Variants in CBR4 observed in about 807,000 individuals in gnomAD.
CBR4 encodes the protein carbonyl reductase 4.
A neutral mutation model predicts 21.0 loss-of-function variants in CBR4; 22 were observed. That is an observed-to-expected ratio of 1.05 (90% CI 0.75 to 1.50). The LOEUF is 1.50. CBR4 is among the 40% of genes most tolerant of loss of function. The pLI, the probability that CBR4 is intolerant of heterozygous loss-of-function variation, is 0.00. For missense variants in CBR4, 302 were observed against 286.3 expected, an observed-to-expected ratio of 1.05 and a Z score of -0.40; for synonymous variants, 100 against 104.4, an observed-to-expected ratio of 0.96 and a Z score of 0.26.
At chr4:169,000,011 GT>G (rs1730285022) in intron 4 of CBR4, among the ~76,000 whole-genome samples, 1 of 152,204 alleles carries the variant, frequency 6.6e-6, no homozygotes, top group Admixed American at 6.5e-5. Flanking sequence ...TGCTGCATGA[GT>G]TATTGTTAGC....
chr4:168,904,893 G>A (rs1176274650), intron 2 of CBR4, among the ~76,000 whole-genome samples: 1 of 152,066 alleles, frequency 6.6e-6, no homozygotes, highest in Admixed American at 6.5e-5. Context: ...TTGGGAGGCT[G>A]AGGCAGGTGG....
At chr4:168,974,579 A>C (rs1764312315) in intron 2 of CBR4, among the ~76,000 whole-genome samples, 1 of 151,954 alleles carries the variant, frequency 6.6e-6, no homozygotes, top group African/African-American at 2.4e-5. Flanking sequence ...ATAATTCCCA[A>C]ATTTCTTGGA....
rs574702780 is a variant in CBR4, at chr4:168,961,129, C to T, written n.169+40942G>A. Among the ~76,000 whole-genome samples, 8 of 152,250 alleles carry T rather than the reference C, an allele frequency of 5.3e-5. No homozygotes were observed. The South Asian group carries it at 1.2e-3, about 24-fold the overall frequency. Reference sequence around the variant, plus strand: ...ACTGAAAGGCAAGAGATGATACTGACGCTTTCTTTGTCCTATTGAAATTTT... The same window carrying T: ...ACTGAAAGGCAAGAGATGATACTGATGCTTTCTTTGTCCTATTGAAATTTT... On this transcript the variant is annotated intron_variant and non_coding_transcript_variant, in intron 2 of 3. Transcript: ENST00000509108.
intron 4 of CBR4, among the ~76,000 whole-genome samples, chr4:169,000,047 C>A (rs531319632): frequency 6.6e-6 from 1 of 152,296 alleles, no homozygotes; most frequent in Admixed American, 6.5e-5. Context: ...TTCCCCGAAA[C>A]CATTCAGCTT....
intron 4 of CBR4, among the ~76,000 whole-genome samples, chr4:168,994,809 C>A (rs1379266851): frequency 1.5e-5 from 2 of 134,902 alleles, no homozygotes; most frequent in Non-Finnish European, 3.0e-5. Context: ...GGCTGGAGTA[C>A]AATGGCATGA....
chr4:168,991,089 G>A (rs746023847), intron 4 of CBR4, among the ~76,000 whole-genome samples: 2 of 152,074 alleles, frequency 1.3e-5, no homozygotes, highest in Non-Finnish European at 2.9e-5. Context: ...AGTTTTGTTA[G>A]TAATCAAGAC....
At chr4:168,938,392 C>T (rs898856744) in intron 2 of CBR4, among the ~76,000 whole-genome samples, 2 of 152,076 alleles carry the variant, frequency 1.3e-5, no homozygotes, top group African/African-American at 4.8e-5. Context: ...TCTAACATCC[C>T]TATGAAAAGA....
At chr4:168,938,346 C>T (rs1763170255) in intron 2 of CBR4, among the ~76,000 whole-genome samples, 1 of 152,014 alleles carries the variant, frequency 6.6e-6, no homozygotes, top group Non-Finnish European at 1.5e-5. Flanking sequence ...CACTAAATGC[C>T]CACAAGAGAA....
At chr4:168,971,440 T>C (rs1282198119) in intron 2 of CBR4, among the ~76,000 whole-genome samples, 2 of 140,642 alleles carry the variant, frequency 1.4e-5, no homozygotes, top group East Asian at 4.0e-4. Context: ...CAGCTCATTT[T>C]TTTTTTTTTT....
At chr4:168,918,120 AC>A (rs1760598621) in intron 2 of CBR4, among the ~76,000 whole-genome samples, 1 of 151,748 alleles carries the variant, frequency 6.6e-6, no homozygotes, top group African/African-American at 2.4e-5. Context: ...AATCACTTGA[AC>A]CTGGGAGGCA....
intron 2 of CBR4, among the ~76,000 whole-genome samples, chr4:168,906,962 G>C (rs1757937310): frequency 6.6e-6 from 1 of 152,270 alleles, no homozygotes; most frequent in African/African-American, 2.4e-5. Flanking sequence ...AAAAAACCTA[G>C]GATGAGGCCG....
At position 169,005,641 on chromosome 4, in the gene CBR4, C is replaced by A. The variant is rs772695405; in HGVS notation, c.400+1114G>T. 2.6e-5 allele frequency among the ~76,000 whole-genome samples: 4 copies of A among 152,130 alleles called. No individual in the cohort carries two copies. In the East Asian group the frequency reaches 7.7e-4, roughly 29 times the overall value. ...CAGGTGACAGATACAGGCCTGTTTG[C>A]CTGCTTGTAAGTATCCAAAGTCCTT... On this transcript the variant is annotated intron_variant, in intron 3 of 4. Coordinates refer to ENST00000306193, the MANE Select transcript of CBR4 (RefSeq NM_032783.5).
intron 2 of CBR4, among the ~76,000 whole-genome samples, chr4:168,911,931 C>A (rs1759049659): frequency 6.6e-6 from 1 of 151,992 alleles, no homozygotes; most frequent in South Asian, 2.1e-4. Context: ...TTTGTGATGA[C>A]CTCTCTTTGG....
chr4:168,905,832 C>T, intron 2 of CBR4, among the ~76,000 whole-genome samples: 1 of 117,220 alleles, frequency 8.5e-6, no homozygotes, highest in Non-Finnish European at 1.7e-5. Flanking sequence ...CGGAATCTTG[C>T]TCTGTTGCCC....
At chr4:168,966,135 C>A (rs957885487) in intron 2 of CBR4, among the ~76,000 whole-genome samples, 5 of 151,780 alleles carry the variant, frequency 3.3e-5, no homozygotes, top group Non-Finnish European at 7.4e-5. Context: ...AACAAACATA[C>A]GAAAAAAATG....
chr4:168,911,328 A>G (rs540565656), intron 2 of CBR4, among the ~76,000 whole-genome samples: 1 of 152,336 alleles, frequency 6.6e-6, no homozygotes, highest in African/African-American at 2.4e-5. Flanking sequence ...TCTTTTTCTA[A>G]CCGCATAAAT....
chr4:168,920,667 A>G (rs963378646), intron 2 of CBR4, among the ~76,000 whole-genome samples: 1 of 152,130 alleles, frequency 6.6e-6, no homozygotes, highest in Admixed American at 6.5e-5. Context: ...CACAACTGTC[A>G]AGGTCTCAAG....
Position 168,979,271 on chromosome 4 carries a change from G to A in CBR4, n.169+22800C>T, listed in dbSNP as rs1254897754. Among the ~76,000 whole-genome samples, 5 of 151,912 alleles carry A rather than the reference G, an allele frequency of 3.3e-5. No homozygotes were observed. The East Asian group carries it at 7.8e-4, about 24-fold the overall frequency. On this transcript the variant is annotated intron_variant and non_coding_transcript_variant, in intron 2 of 3. Transcript: ENST00000509108. ...GTTCCCAGTGGCAGCAGGCAGGCCC[G>A]CCATTTTTTGCCACTACTGCAGCCC...
chr4:168,909,962 A>C (rs1203777260), intron 2 of CBR4, among the ~76,000 whole-genome samples: 1 of 152,178 alleles, frequency 6.6e-6, no homozygotes, highest in African/African-American at 2.4e-5. Context: ...TAATATATTT[A>C]GCCAATAACA....
Sources: gnomAD v4.1 joint callset for allele counts (sites outside exome capture counted in the v4.1 genomes callset) on GRCh38, gnomAD v4.1.1 for gene constraint, MANE v1.5 for transcripts, NCBI Gene and HGNC (gene_info 2026-07-23, HGNC 2026-07-21) for gene names.